The following CUL3 variants were observed in gnomAD, a reference collection of about 807,000 sequenced individuals.
The protein encoded by CUL3 is cullin 3, also known as cullin-3.
CUL3 carries 19 observed loss-of-function variants against 89.1 expected under a neutral mutation model. That is an observed-to-expected ratio of 0.21 (90% CI 0.15 to 0.31). The LOEUF (loss-of-function observed/expected upper bound fraction) is 0.31, where lower values mean the gene tolerates loss of function less well. CUL3 is among the 10% of genes least tolerant of loss of function. The probability of loss-of-function intolerance (pLI) is 1.00; values close to 1 mark genes in which losing one functional copy is unlikely to be tolerated. For synonymous variants in CUL3, 351 were observed against 308.4 expected (o/e 1.14, Z -1.45); for missense variants, 469 against 942.3 (o/e 0.50, Z 6.58).
intron 1 of CUL3, among the ~76,000 whole-genome samples, chr2:224,584,656 G>A (rs927830218): frequency 6.6e-6 from 1 of 151,314 alleles, no homozygotes; most frequent in African/African-American, 2.4e-5. Context: ...TGGGGCGGCC[G>A]AGGGGCCCCG....
At chr2:224,568,391 G>C (rs1479923162) in intron 1 of CUL3, among the ~76,000 whole-genome samples, 1 of 152,188 alleles carries the variant, frequency 6.6e-6, no homozygotes, top group African/African-American at 2.4e-5. Context: ...GAGCTTAAGA[G>C]ATTATGCATT....
intron 13 of CUL3, among the ~76,000 whole-genome samples, chr2:224,490,710 GAAAAA>G (rs5839067): frequency 7.0e-6 from 1 of 142,810 alleles, no homozygotes; most frequent in South Asian, 2.2e-4. Context: ...GAGCTTTAAA[GAAAAA>G]AAAAAAAAAG....
chr2:224,544,919 T>C (rs1356427171), intron 2 of CUL3, among the ~76,000 whole-genome samples: 3 of 152,036 alleles, frequency 2.0e-5, no homozygotes, highest in South Asian at 2.1e-4. Flanking sequence ...AGAAGTCATA[T>C]ACAAAAATAG....
chr2:224,582,041 T>C (rs182957348), intron 1 of CUL3, among the ~76,000 whole-genome samples: 22 of 152,276 alleles, frequency 1.4e-4, no homozygotes, highest in Middle Eastern at 6.8e-3. Flanking sequence ...CTCAGCTCAC[T>C]GCAACCTCGG....
intron 13 of CUL3, among the ~76,000 whole-genome samples, chr2:224,483,202 T>A (rs1050812315): frequency 2.6e-5 from 4 of 152,228 alleles, no homozygotes. Flanking sequence ...TATTATTACA[T>A]ACATGCTAAA....
Position 224,556,845 on chromosome 2 carries a change from G to A in CUL3, c.264+814C>T, listed in dbSNP as rs936083001. On this transcript the variant is annotated intron_variant, in intron 2 of 15. Transcript: ENST00000264414. ...ACAGTAATTATAACACATATCAATA[G>A]AAAAACTGGCAAAAAAAATGTAGCA... 3.3e-5 allele frequency among the ~76,000 whole-genome samples: 5 copies of A among 151,884 alleles called. No homozygotes were observed. In the South Asian group the frequency reaches 1.0e-3, roughly 32 times the overall value.
At chr2:224,548,291 T>A (rs1453085231) in intron 2 of CUL3, among the ~76,000 whole-genome samples, 1 of 152,180 alleles carries the variant, frequency 6.6e-6, no homozygotes, top group Non-Finnish European at 1.5e-5. Context: ...ACCAGAGCCT[T>A]GCTCAACAGG....
In CUL3 at chr2:224,585,080, C is replaced by T. The variant is rs567510219; in HGVS notation, c.-71G>A. 29 of 1,323,826 alleles carry T rather than the reference C, an allele frequency of 2.2e-5. No individual in the cohort carries two copies. The East Asian group carries it at 9.2e-4, about 42-fold the overall frequency. 82.0% of individuals were successfully genotyped at this position (1,323,826 alleles called of 1,614,324 possible). ...ACGCCGGTGTCACATTTAAGGCGGG[C>T]AGGCAGGCTAGGGGCGACGCTGGGG... On this transcript the variant is annotated 5_prime_UTR_variant, in exon 1 of 16. Transcript: ENST00000264414.
intron 1 of CUL3, among the ~76,000 whole-genome samples, chr2:224,573,418 T>G (rs931469844): frequency 1.3e-5 from 2 of 152,234 alleles, no homozygotes; most frequent in Admixed American, 1.3e-4. Flanking sequence ...CAATACACAC[T>G]AAGGTCCCCT....
intron 3 of CUL3, among the ~76,000 whole-genome samples, chr2:224,517,396 G>C (rs938239953): frequency 6.6e-5 from 10 of 152,126 alleles, no homozygotes; most frequent in African/African-American, 2.4e-4. Context: ...ATACAGGCCA[G>C]GTGCGGTGGC....
At chr2:224,490,710 GAA>G (rs5839067) in intron 13 of CUL3, among the ~76,000 whole-genome samples, 62 of 142,734 alleles carry the variant, frequency 4.3e-4, no homozygotes, top group Non-Finnish European at 5.5e-4. Context: ...GAGCTTTAAA[GAA>G]AAAAAAAAAA....
At chr2:224,509,228 T>G (rs564291610) in intron 6 of CUL3, among the ~76,000 whole-genome samples, 27 of 152,230 alleles carry the variant, frequency 1.8e-4, no homozygotes, top group African/African-American at 6.5e-4. Context: ...ACCTTTTTTT[T>G]CTTAAGACAG....
intron 13 of CUL3, among the ~76,000 whole-genome samples, chr2:224,483,439 A>G (rs957048707): frequency 1.3e-5 from 2 of 152,206 alleles, no homozygotes; most frequent in Non-Finnish European, 2.9e-5. Flanking sequence ...AGAGTTAAGC[A>G]TAACAGTAGT....
intron 13 of CUL3, among the ~76,000 whole-genome samples, chr2:224,484,552 T>C (rs1037069627): frequency 2.6e-5 from 4 of 152,204 alleles, no homozygotes; most frequent in Admixed American, 6.5e-5. Flanking sequence ...ATGTATCTCA[T>C]CATATAGATG....
intron 1 of CUL3, among the ~76,000 whole-genome samples, chr2:224,564,466 G>A (rs984794958): frequency 2.0e-5 from 3 of 152,162 alleles, no homozygotes; most frequent in Non-Finnish European, 4.4e-5. Flanking sequence ...TACAGTACAA[G>A]ATATTTTGAG....
intron 6 of CUL3, among the ~76,000 whole-genome samples, chr2:224,507,335 GTTCATAAATAC>G (rs1469447258): frequency 6.6e-6 from 1 of 152,094 alleles, no homozygotes; most frequent in Non-Finnish European, 1.5e-5. Context: ...GCAGTTTTGA[GTTCATAAATAC>G]TTTATCCTAC....
rs2106206134 is a variant in CUL3, at chr2:224,506,936, C to T, written c.951G>A (p.Met317Ile). ...TACCTTGCTCCCTCAAATAGGAACT[C>T]ATACACTCACACATTGTTTTCAAAC... The part of the protein sequence containing the change: ...PNGLKTMCEC[M>I]SSYLREQGKA... The change falls in exon 7 of 16, where the codon ATG (methionine) becomes ATA (isoleucine). Residue 317 changes from methionine to isoleucine, a missense_variant. Coordinates refer to ENST00000264414, the MANE Select transcript of CUL3 (RefSeq NM_003590.5). 1 of 1,613,672 alleles carries T rather than the reference C, an allele frequency of 6.2e-7. No homozygotes were observed. Among genetic ancestry groups the T allele is most frequent in the Non-Finnish European group, 8.5e-7 (1 of 1,179,732 alleles).
chr2:224,474,209 T>C lies in CUL3; in HGVS notation c.*36A>G. On this transcript the variant is annotated 3_prime_UTR_variant, in exon 16 of 16. Transcript: ENST00000264414. Reference sequence around the variant, plus strand: ...AGAACTTCCCAGTCCATGCGAAGAGTACAGTCCAAGAATAAATCAAATTTC... The same window carrying C: ...AGAACTTCCCAGTCCATGCGAAGAGCACAGTCCAAGAATAAATCAAATTTC... The C allele has an allele frequency of 1.2e-6, 2 of 1,603,106 alleles. No individual in the cohort carries two copies. The highest frequency in any genetic ancestry group is 8.5e-7 in the Non-Finnish European group (1 of 1,174,292).
chr2:224,537,334 T>C (rs1276767032), intron 2 of CUL3, among the ~76,000 whole-genome samples: 3 of 152,174 alleles, frequency 2.0e-5, no homozygotes, highest in Non-Finnish European at 4.4e-5. Context: ...ATATCTAGTC[T>C]ACTAAATATA....
Sources: allele counts gnomAD v4.1 joint callset (sites outside exome capture counted in the v4.1 genomes callset), GRCh38; gene constraint gnomAD v4.1.1; transcripts MANE v1.5; gene names NCBI Gene and HGNC (gene_info 2026-07-23, HGNC 2026-07-21).